Variants in ZNF658 observed in about 807,000 individuals in gnomAD.
ZNF658 encodes the protein zinc finger protein 658.
ZNF658 carries 46 observed loss-of-function variants against 78.0 expected under a neutral mutation model. That is an observed-to-expected ratio of 0.59 (90% CI 0.47 to 0.75). The LOEUF is 0.75. ZNF658 is among the 30% of genes least tolerant of loss of function. ZNF658 has a pLI of 0.00. For synonymous variants in ZNF658, 279 were observed against 408.4 expected (o/e 0.68, Z 3.82); for missense variants, 785 against 1,189.3 (o/e 0.66, Z 5.00).
intron 2 of ZNF658, 118 bp downstream of exon 2, chr9:66,903,694 T>C (rs1008378763): frequency 2.6e-5 from 21 of 792,718 alleles, no homozygotes; most frequent in African/African-American, 2.2e-4. Context: ...TCCTAGAAGA[T>C]GTAGAAATGC....
downstream of ZNF658, among the ~76,000 whole-genome samples, chr9:66,921,998 C>G (rs1822534694): frequency 1.0e-5 from 1 of 95,864 alleles, no homozygotes; most frequent in Admixed American, 1.3e-4. Context: ...GTGGGCTCCA[C>G]CCAGTTCGAG....
rs376278249 is a variant in ZNF658 at position 66,920,076 on chromosome 9, A to C, written c.2510A>C (p.Gln837Pro). 1.9e-6 allele frequency: 3 copies of C among 1,613,152 alleles called. No homozygotes were observed. In the African/African-American group the frequency reaches 4.0e-5, roughly 22 times the overall value. Residue 837 changes from glutamine to proline, a missense_variant, in exon 5 of 5, where the codon CAA becomes CCA. Physicochemically the swap from Gln to Pro is moderately conservative, Grantham distance 76. Around this residue, in one of 12 missense-constraint regions of ZNF658, gnomAD observed 58 missense variants for 63.0 expected, o/e 0.92. Coordinates refer to ENST00000621410, the MANE Select transcript of ZNF658 (RefSeq NM_033160.7). Reference protein sequence around the residue: ...ECNQCGKTFSQRTHLCAHQRI... With the variant: ...ECNQCGKTFSPRTHLCAHQRI... ...AACCAATGTGGGAAAACTTTCTCCCAAAGAACACACCTCTGTGCACATCAG... is the reference window on the plus strand; with the variant it reads ...AACCAATGTGGGAAAACTTTCTCCCCAAGAACACACCTCTGTGCACATCAG...
At position 66,918,722 on chromosome 9, in the gene ZNF658, C is replaced by G. The variant is rs187293354; in HGVS notation, c.1156C>G (p.His386Asp). The G allele has an allele frequency of 1.9e-6, 3 of 1,613,934 alleles. No homozygotes were observed. In the East Asian group the frequency reaches 6.7e-5, roughly 36 times the overall value. ...AGATAAATTCTACCTTTCTGATGAA[C>G]ATGGGAAATGCAGAAAATCCTTTTA... ...TEDKFYLSDE[H>D]GKCRKSFYRK... The change falls in exon 5 of 5, where the codon CAT becomes GAT. Residue 386 changes from histidine to aspartate, a missense_variant. Physicochemically the swap from His to Asp is moderately conservative, Grantham distance 81. Coordinates refer to ENST00000621410, the MANE Select transcript of ZNF658 (RefSeq NM_033160.7).
At chr9:66,927,255 G>T in intron 6 of ZNF658, among the ~76,000 whole-genome samples, 1 of 150,302 alleles carries the variant, frequency 6.7e-6, no homozygotes, top group South Asian at 2.1e-4. Flanking sequence ...TATATGAAAA[G>T]ATGCTCAGTG....
downstream of ZNF658, among the ~76,000 whole-genome samples, chr9:66,925,511 A>C (rs1399740852): frequency 6.6e-6 from 1 of 152,100 alleles, no homozygotes; most frequent in Non-Finnish European, 1.5e-5. Context: ...ATTCCTAGAA[A>C]CATACAACCT....
Position 66,905,044 on chromosome 9 carries a change from TTTTTTCTTTTCTC to T in ZNF658, c.15+1481_15+1493del, listed in dbSNP as rs1822041997. Among the ~76,000 whole-genome samples the T allele has an allele frequency of 1.7e-4, 20 of 118,920 alleles. No individual in the cohort carries two copies. In the South Asian group the frequency reaches 4.8e-3, roughly 29 times the overall value. 78.0% of individuals were successfully genotyped at this position (118,920 alleles called of 152,430 possible). On this transcript the variant is annotated intron_variant, in intron 2 of 4. Coordinates refer to ENST00000621410, the MANE Select transcript of ZNF658 (RefSeq NM_033160.7). ...TGTCCAGGTGTGGATTTATCTTTTCTTTTTTCTTTTCTCTTTTTCTTTTCTTTTTTTTTTTTTT... is the reference window on the plus strand; with the variant it reads ...TGTCCAGGTGTGGATTTATCTTTTCTTTTTTCTTTTCTTTTTTTTTTTTTT...
At position 66,920,958 on chromosome 9, in the gene ZNF658, A is replaced by G; in HGVS notation, c.*212A>G. 1 of 632,200 alleles carries G rather than the reference A, an allele frequency of 1.6e-6. No homozygotes were observed. Among genetic ancestry groups the G allele is most frequent in the Non-Finnish European group, 2.8e-6 (1 of 358,502 alleles). 39.2% of individuals were successfully genotyped at this position (632,200 alleles called of 1,614,324 possible). On this transcript the variant is annotated 3_prime_UTR_variant, in exon 5 of 5. Coordinates refer to ENST00000621410, the MANE Select transcript of ZNF658 (RefSeq NM_033160.7). ...TTGGCCCTTAAAAAAAAAAAAGAAA[A>G]ACCCTCACAGTCTTCCTGGTTCATA...
At chr9:66,913,240 C>T (rs952033259) in intron 4 of ZNF658, among the ~76,000 whole-genome samples, 5 of 151,176 alleles carry the variant, frequency 3.3e-5, no homozygotes, top group Non-Finnish European at 5.9e-5. Flanking sequence ...GCCTGACCAA[C>T]GTTGCAAAAC....
chr9:66,914,093 G>A (rs1467666744), intron 4 of ZNF658, among the ~76,000 whole-genome samples: 1 of 151,454 alleles, frequency 6.6e-6, no homozygotes, highest in South Asian at 2.1e-4. Flanking sequence ...AACTGGAGTG[G>A]CATTGAATCT....
chr9:66,929,072 G>C (rs1254068474), intron 6 of ZNF658, among the ~76,000 whole-genome samples: 2 of 152,136 alleles, frequency 1.3e-5, no homozygotes, highest in African/African-American at 4.8e-5. Context: ...GACAATCACA[G>C]CTGTGATAGC....
rs1173622527 is a variant in ZNF658 at position 66,905,908 on chromosome 9, C to A, written c.16-2330C>A. Among the ~76,000 whole-genome samples the A allele has an allele frequency of 1.9e-4, 28 of 146,490 alleles. No homozygotes were observed. In the East Asian group the frequency reaches 3.6e-3, roughly 19 times the overall value. ...TCGTGAGTAGTTTCTATTGATTGTA[C>A]TTTTTTCCTGCATATGGGTCTTACT... On this transcript the variant is annotated intron_variant, in intron 2 of 4. Transcript: ENST00000621410.
intron 4 of ZNF658, among the ~76,000 whole-genome samples, chr9:66,915,189 A>G (rs1464754704): frequency 6.6e-6 from 1 of 152,108 alleles, no homozygotes; most frequent in Non-Finnish European, 1.5e-5. Context: ...TTCAGTTAAC[A>G]TATCCTCCAT....
At position 66,920,355 on chromosome 9, in the gene ZNF658, G is replaced by C; in HGVS notation, c.2789G>C (p.Arg930Thr). ...AAGTCATATGTTAGTGCACATCAGA[G>C]AGTTCATACGGGGGAGAAACCCTAC... ...SEKSYVSAHQ[R>T]VHTGEKPYEC... The change falls in exon 5 of 5, where the codon AGA (arginine) becomes ACA (threonine). Residue 930 changes from arginine (R) to threonine (T), a missense_variant. Arg to Thr is a moderately conservative substitution (Grantham distance 71). Around this residue, in one of 12 missense-constraint regions of ZNF658, gnomAD observed 85 missense variants for 108.6 expected, o/e 0.78. Coordinates refer to ENST00000621410, the MANE Select transcript of ZNF658 (RefSeq NM_033160.7). 6 of 1,613,680 alleles carry C rather than the reference G, an allele frequency of 3.7e-6. No individual in the cohort carries two copies. Among genetic ancestry groups the C allele is most frequent in the Middle Eastern group, 1.7e-4 (1 of 5,990 alleles).
Position 66,908,686 on chromosome 9 carries a change from G to T in ZNF658, c.190G>T (p.Glu64Ter). The change falls in exon 4 of 5, where the codon GAA becomes TAA. Residue 64 changes from glutamate to a stop codon, truncating the protein, a stop_gained. Coordinates refer to ENST00000621410, the MANE Select transcript of ZNF658 (RefSeq NM_033160.7). LOFTEE classifies it high-confidence loss of function. ...GGTGATCTCCAAGTTGGAGAAAGGA[G>T]AAGAGCCATGGTCTTTAGAAGATGA... ...PKVISKLEKG[E>*]EPWSLEDEFL... 1.3e-6 allele frequency: 2 copies of T among 1,597,526 alleles called. No homozygotes were observed. The highest frequency in any genetic ancestry group is 2.2e-5 in the South Asian group (2 of 89,804).
chr9:66,913,059 C>CA (rs1353291126), intron 4 of ZNF658, among the ~76,000 whole-genome samples: 1 of 150,256 alleles, frequency 6.7e-6, no homozygotes, highest in Non-Finnish European at 1.5e-5. Flanking sequence ...TGGCACCTGA[C>CA]AAAATACAAG....
rs1822386416 is a variant in ZNF658, at chr9:66,918,189, T to A, written c.623T>A (p.Phe208Tyr). ...TATAAGAAAGATCAGCATTGGAAAT[T>A]TCAAACTTTGGAGGAATCTTTTGAA... Reference protein sequence around the residue: ...FSYKKDQHWKFQTLEESFECD... With the variant: ...FSYKKDQHWKYQTLEESFECD... Residue 208 changes from phenylalanine (F) to tyrosine (Y), a missense_variant, in exon 5 of 5, where the codon TTT becomes TAT. This residue lies in a region of ZNF658 where 393 missense variants were observed against 400.2 expected (regional missense o/e 0.98). Coordinates refer to ENST00000621410, the MANE Select transcript of ZNF658 (RefSeq NM_033160.7). 1.0e-5 allele frequency: 16 copies of A among 1,606,608 alleles called. No homozygotes were observed. Among genetic ancestry groups the A allele is most frequent in the African/African-American group, 1.3e-5 (1 of 74,306 alleles).
At chr9:66,902,072 C>T (rs1362192122) in intron 1 of ZNF658, among the ~76,000 whole-genome samples, 4 of 151,950 alleles carry the variant, frequency 2.6e-5, no homozygotes, top group African/African-American at 9.7e-5. Context: ...ACTGGCCAAA[C>T]TTCAGGTGTT....
rs867167053 is a variant in ZNF658, at chr9:66,931,647, C to T, written c.*55-378C>T. 1.8e-3 allele frequency among the ~76,000 whole-genome samples: 259 copies of T among 143,338 alleles called. 1 individual carries two copies. The highest frequency in any genetic ancestry group is 3.2e-3 in the Non-Finnish European group (208 of 65,852). The allele number at this position is 143,338 out of a possible 152,430, so 94.0% of individuals were successfully genotyped here. ...ACTTCATGTGAATCTACAATTATTT[C>T]AAAATAAAAAATTTTAAAAAGTACA... On this transcript the variant is annotated intron_variant and NMD_transcript_variant, in intron 6 of 6. Transcript: ENST00000622180.
At chr9:66,909,859 C>G (rs1384918136) in intron 4 of ZNF658, among the ~76,000 whole-genome samples, 3 of 152,158 alleles carry the variant, frequency 2.0e-5, no homozygotes, top group African/African-American at 7.2e-5. Context: ...GTAGTTTAAA[C>G]AACAGAAATT....
Sources: gnomAD v4.1 joint callset for allele counts (sites outside exome capture counted in the v4.1 genomes callset) on GRCh38, gnomAD v4.1.1 for gene constraint, gnomAD v4.1.1 regional missense constraint, MANE v1.5 for transcripts, NCBI Gene and HGNC (gene_info 2026-07-23, HGNC 2026-07-21) for gene names.